TENM2: variants seen among roughly 807,000 people sequenced by gnomAD.
TENM2 encodes the protein teneurin transmembrane protein 2, also known as teneurin-2.
Under a neutral mutation model 245.2 loss-of-function variants are expected in TENM2, and 52 were observed. That is an observed-to-expected ratio of 0.21 (90% CI 0.17 to 0.27). TENM2 has a LOEUF of 0.27. TENM2 is among the 10% of genes least tolerant of loss of function. The pLI is 1.00. For synonymous variants in TENM2, 1,363 were observed against 1,438.9 expected (o/e 0.95, Z 1.19); for missense variants, 3,046 against 3,666.8 (o/e 0.83, Z 4.37).
At chr5:167,143,543 T>C in the TENM2 span, among the ~76,000 whole-genome samples, 1 of 152,256 alleles carries the variant, frequency 6.6e-6, no homozygotes, top group African/African-American at 2.4e-5. Context: ...TTTTGGTTTC[T>C]TAACAGTAAA....
At chr5:168,212,848 G>A (rs969236815) in intron 20 of TENM2, among the ~76,000 whole-genome samples, 2 of 152,202 alleles carry the variant, frequency 1.3e-5, no homozygotes, top group African/African-American at 4.8e-5. Flanking sequence ...TTCTCTGCAA[G>A]CATCTTGGTG....
At chr5:168,071,042 G>A (rs1790974046) in intron 7 of TENM2, among the ~76,000 whole-genome samples, 1 of 152,148 alleles carries the variant, frequency 6.6e-6, no homozygotes, top group African/African-American at 2.4e-5. Flanking sequence ...AGGAACAGCT[G>A]GAGAGCCTGG....
chr5:167,987,287 A>G, intron 4 of TENM2, among the ~76,000 whole-genome samples: 1 of 152,054 alleles, frequency 6.6e-6, no homozygotes, highest in East Asian at 1.9e-4. Flanking sequence ...AGAATTTCTT[A>G]AATGTTAATG....
At chr5:167,288,334 C>T (rs1479510966) in intron 1 of TENM2, among the ~76,000 whole-genome samples, 3 of 151,970 alleles carry the variant, frequency 2.0e-5, no homozygotes, top group East Asian at 1.9e-4. Context: ...CCGAGGTGGG[C>T]GGATCACGAG....
At chr5:167,306,157 C>T (rs1364704660) in intron 1 of TENM2, 2 of 152,122 alleles carry the variant, frequency 1.3e-5, no homozygotes, top group Admixed American at 6.5e-5. Flanking sequence ...ACGCTAAAGG[C>T]AGTAGCCTGC....
chr5:167,076,381 C>T, the TENM2 span, among the ~76,000 whole-genome samples: 2 of 152,134 alleles, frequency 1.3e-5, no homozygotes, highest in East Asian at 3.9e-4. Context: ...AGGAAAAAAT[C>T]CTAATATTTT....
rs528684641 is a variant in TENM2 at position 167,774,137 on chromosome 5, A to T, written c.503-101849A>T. Among the ~76,000 whole-genome samples, 168 of 142,538 alleles carry T rather than the reference A, an allele frequency of 1.2e-3. 1 individual carries two copies. Among genetic ancestry groups the T allele is most frequent in the Non-Finnish European group, 2.2e-3 (141 of 65,182 alleles). 93.5% of individuals were successfully genotyped at this position (142,538 alleles called of 152,430 possible). ...AACCAGAAACAATTGTCATCTCAAT[A>T]ATAAAAGGGAGGGAGGGAGGGAGGG... On this transcript the variant is annotated intron_variant, in intron 2 of 28. Transcript: ENST00000518659.
At chr5:167,908,203 T>C (rs1407822706) in intron 3 of TENM2, among the ~76,000 whole-genome samples, 2 of 152,138 alleles carry the variant, frequency 1.3e-5, no homozygotes, top group East Asian at 1.9e-4. Context: ...TAGTAACAGA[T>C]GAGCCTAAAA....
At chr5:167,136,013 C>T in the TENM2 span, among the ~76,000 whole-genome samples, 1 of 152,148 alleles carries the variant, frequency 6.6e-6, no homozygotes, top group Admixed American at 6.5e-5. Flanking sequence ...TATCCCACCC[C>T]ACTTATTAGT....
At chr5:167,660,464 CAAAAAAAAAAAAAAA>C (rs749846307) in intron 2 of TENM2, 2 of 33,154 alleles carry the variant, frequency 6.0e-5, no homozygotes, top group Admixed American at 8.3e-4. Context: ...GGCTGTGTCT[CAAAAAAAAAAAAAAA>C]AAAAAAAAAA....
chr5:167,038,421 A>G, the TENM2 span, among the ~76,000 whole-genome samples: 186 of 152,330 alleles, frequency 1.2e-3, 3 homozygotes, highest in Middle Eastern at 0.01. Context: ...ACTGTCCTCT[A>G]TGACCAGGGA....
chr5:167,489,948 T>C (rs1448879380), intron 2 of TENM2, among the ~76,000 whole-genome samples: 2 of 152,206 alleles, frequency 1.3e-5, no homozygotes, highest in African/African-American at 4.8e-5. Context: ...TTACTGGATA[T>C]GTACATAACT....
At chr5:167,675,863 A>G (rs1337050030) in intron 2 of TENM2, among the ~76,000 whole-genome samples, 1 of 152,106 alleles carries the variant, frequency 6.6e-6, no homozygotes, top group Non-Finnish European at 1.5e-5. Context: ...CCAAATAATA[A>G]CACAGTAAAT....
At chr5:168,033,831 A>T (rs1230686388) in intron 5 of TENM2, among the ~76,000 whole-genome samples, 1 of 151,980 alleles carries the variant, frequency 6.6e-6, no homozygotes, top group Non-Finnish European at 1.5e-5. Flanking sequence ...GTTCGAGACC[A>T]GCCTGACCAA....
At chr5:167,987,652 G>A (rs948309473) in intron 4 of TENM2, among the ~76,000 whole-genome samples, 1 of 151,984 alleles carries the variant, frequency 6.6e-6, no homozygotes, top group African/African-American at 2.4e-5. Context: ...TATACTCCCA[G>A]ACTCCACCCC....
intron 2 of TENM2, among the ~76,000 whole-genome samples, chr5:167,511,295 G>A (rs1420344788): frequency 6.6e-6 from 1 of 152,074 alleles, no homozygotes; most frequent in East Asian, 1.9e-4. Context: ...GAGGCTCATA[G>A]GGTAAGAAAA....
intron 13 of TENM2, 84 bp from the exon 16 acceptor site, chr5:168,190,253 G>A: frequency 9.5e-7 from 1 of 1,053,450 alleles, no homozygotes; most frequent in African/African-American, 1.6e-5. Context: ...GCTCATGCCT[G>A]TGCTGGTAAC....
exon 29 of TENM2, chr5:168,262,828 A>C: frequency 6.4e-7 from 1 of 1,573,724 alleles, no homozygotes; most frequent in African/African-American, 1.3e-5. Context: ...ATCTGCTGCC[A>C]TTCCTTGTCT....
the TENM2 span, among the ~76,000 whole-genome samples, chr5:167,217,257 A>T: frequency 6.6e-6 from 1 of 152,190 alleles, no homozygotes; most frequent in East Asian, 1.9e-4. Context: ...CACAAGTTCC[A>T]GCAGAATCCT....
Sources: allele counts gnomAD v4.1 joint callset (sites outside exome capture counted in the v4.1 genomes callset), GRCh38; gene constraint gnomAD v4.1.1; transcripts MANE v1.5; gene names NCBI Gene and HGNC (gene_info 2026-07-23, HGNC 2026-07-21).